Variants in GRIK3 observed in about 807,000 individuals in gnomAD.
The protein encoded by GRIK3 is glutamate ionotropic receptor kainate type subunit 3, also known as glutamate receptor ionotropic, kainate 3.
In GRIK3, 29 loss-of-function variants were observed where a neutral mutation model predicts 102.5. The observed-to-expected ratio is 0.28, with a 90% CI of 0.21 to 0.39. The LOEUF is 0.39. GRIK3 is among the 10% of genes least tolerant of loss of function. The probability of loss-of-function intolerance (pLI) is 1.00; values close to 1 mark genes in which losing one functional copy is unlikely to be tolerated. For missense variants in GRIK3, 908 were observed against 1,252.4 expected, an observed-to-expected ratio of 0.73 and a Z score of 4.15; for synonymous variants, 511 against 504.9, an observed-to-expected ratio of 1.01 and a Z score of -0.16.
rs1382524356 is a variant in GRIK3, at chr1:36,806,759, G to A, written c.2092-433C>T. Among the ~76,000 whole-genome samples, 1 of 152,210 alleles carries A rather than the reference G, an allele frequency of 6.6e-6. No homozygotes were observed. Among genetic ancestry groups the A allele is most frequent in the African/African-American group, 2.4e-5 (1 of 41,448 alleles). Reference sequence around the variant, plus strand: ...TTACAAATAAAAAGATTGAGGCACAGCTAAGTCACTTGCCTAAGTTTACCC... The same window carrying A: ...TTACAAATAAAAAGATTGAGGCACAACTAAGTCACTTGCCTAAGTTTACCC... On this transcript the variant is annotated intron_variant, in intron 13 of 15. Coordinates refer to ENST00000373091, the MANE Select transcript of GRIK3 (RefSeq NM_000831.4). This position sits in a 1 kb window ranked among gnomAD's most constrained non-coding sequence, Gnocchi z 4.0.
intron 14 of GRIK3, among the ~76,000 whole-genome samples, chr1:36,805,860 C>T (rs1238176259): frequency 2.9e-5 from 4 of 138,488 alleles, no homozygotes; most frequent in East Asian, 2.3e-4. Context: ...CTCTTGAACC[C>T]GGGAGGTGGA....
At chr1:36,964,353 C>T (rs1288438619) in intron 1 of GRIK3, among the ~76,000 whole-genome samples, 1 of 152,198 alleles carries the variant, frequency 6.6e-6, no homozygotes, top group East Asian at 1.9e-4. Context: ...CTGCAGCTGG[C>T]AAACTCCCCA....
intron 1 of GRIK3, among the ~76,000 whole-genome samples, chr1:36,986,075 G>A (rs1642301135): frequency 6.6e-6 from 1 of 152,062 alleles, no homozygotes; most frequent in Non-Finnish European, 1.5e-5. Flanking sequence ...CAAGAAGAAG[G>A]GACCCCACCC....
chr1:36,924,245 C>A (rs1286217548), intron 1 of GRIK3, among the ~76,000 whole-genome samples: 1 of 152,148 alleles, frequency 6.6e-6, no homozygotes, highest in Non-Finnish European at 1.5e-5. Context: ...ACCAGGTAAT[C>A]GCATTTCCAC....
chr1:36,813,792 G>T (rs910284449), intron 13 of GRIK3, among the ~76,000 whole-genome samples: 39 of 149,526 alleles, frequency 2.6e-4, no homozygotes, highest in South Asian at 6.3e-4. Context: ...CATCTGAGGT[G>T]GGGGGGCAGT....
At chr1:36,818,050 T>C (rs1295012608) in intron 12 of GRIK3, among the ~76,000 whole-genome samples, 1 of 152,224 alleles carries the variant, frequency 6.6e-6, no homozygotes, top group African/African-American at 2.4e-5. Context: ...GAGATTTAAA[T>C]TGCAAGTGAC....
At chr1:36,858,836 T>C (rs1021105580) in intron 7 of GRIK3, among the ~76,000 whole-genome samples, 1 of 152,204 alleles carries the variant, frequency 6.6e-6, no homozygotes, top group African/African-American at 2.4e-5. Context: ...TCATCTGTTG[T>C]ACTTTCAAGC....
chr1:36,898,502 C>A (rs1186337344), intron 1 of GRIK3, among the ~76,000 whole-genome samples: 1 of 152,032 alleles, frequency 6.6e-6, no homozygotes, highest in Non-Finnish European at 1.5e-5. Flanking sequence ...ATGTAAAAAG[C>A]TCTTCAAAAC....
In GRIK3 at chr1:36,804,978, A is replaced by C. The variant is rs1038111862; in HGVS notation, c.2565+9T>G. 24 of 1,613,926 alleles carry C rather than the reference A, an allele frequency of 1.5e-5. No homozygotes were observed. The highest frequency in any genetic ancestry group is 1.9e-5 in the Non-Finnish European group (23 of 1,179,964). Reference sequence around the variant, plus strand: ...CCATCCTGTGCAGGCTCCAAGCTCTAAGGCTTACCTGCTCTCTCTCTGCTG... The same window carrying C: ...CCATCCTGTGCAGGCTCCAAGCTCTCAGGCTTACCTGCTCTCTCTCTGCTG... On this transcript the variant is annotated intron_variant, in intron 15 of 15. Transcript: ENST00000373091.
At chr1:36,830,200 C>T (rs754332442) in intron 10 of GRIK3, among the ~76,000 whole-genome samples, 2 of 152,190 alleles carry the variant, frequency 1.3e-5, no homozygotes, top group African/African-American at 4.8e-5. Context: ...TCAACATCCT[C>T]GTCATATTCC....
chr1:36,817,273 A>G lies in GRIK3; in HGVS notation c.1878T>C (p.Ser626=). 5 of 1,607,772 alleles carry G rather than the reference A, an allele frequency of 3.1e-6. No individual in the cohort carries two copies. The highest frequency in any genetic ancestry group is 4.3e-6 in the Non-Finnish European group (5 of 1,174,250). ...TGGACAGGGCTTTGGGCATCAGCTC[A>G]GACCCTGGGCGAAGAGAGGAGATAG... is the stretch of plus-strand genomic sequence containing the variant. The part of the protein sequence containing the change: ...FGMGSLMQQG[S]ELMPKALSTR... The change falls in exon 13 of 16, where the codon TCT becomes TCC. Residue 626 remains serine, a synonymous_variant. Transcript: ENST00000373091.
intron 1 of GRIK3, among the ~76,000 whole-genome samples, chr1:36,973,204 C>G (rs921124208): frequency 6.6e-6 from 1 of 152,154 alleles, no homozygotes; most frequent in Non-Finnish European, 1.5e-5. Flanking sequence ...CCCTGCAAAG[C>G]CTGTTCCCTG....
At chr1:36,882,719 T>G (rs955877067) in intron 2 of GRIK3, among the ~76,000 whole-genome samples, 1 of 152,124 alleles carries the variant, frequency 6.6e-6, no homozygotes, top group Non-Finnish European at 1.5e-5. Flanking sequence ...AAGTGAACCT[T>G]CAAGGAAGTA....
intron 10 of GRIK3, among the ~76,000 whole-genome samples, chr1:36,834,623 G>C (rs1055440234): frequency 1.3e-5 from 2 of 152,148 alleles, no homozygotes; most frequent in Non-Finnish European, 2.9e-5. Context: ...CCTGGTTCCT[G>C]AGTCCCCACG....
chr1:36,929,697 AT>A (rs1328068647), intron 1 of GRIK3, among the ~76,000 whole-genome samples: 1 of 152,190 alleles, frequency 6.6e-6, no homozygotes, highest in African/African-American at 2.4e-5. Flanking sequence ...TGCCTTTGGA[AT>A]TTCAGGGATG....
chr1:37,027,311 C>T (rs1642774438), intron 1 of GRIK3, among the ~76,000 whole-genome samples: 1 of 152,172 alleles, frequency 6.6e-6, no homozygotes, highest in African/African-American at 2.4e-5. Flanking sequence ...ACCTGTTGTC[C>T]TCAAACCCAG....
chr1:37,012,483 T>C (rs1037557419), intron 1 of GRIK3, among the ~76,000 whole-genome samples: 6 of 152,188 alleles, frequency 3.9e-5, no homozygotes, highest in African/African-American at 7.2e-5. Context: ...AAGGTCACAA[T>C]TGCAAACCAC....
intron 5 of GRIK3, among the ~76,000 whole-genome samples, chr1:36,860,912 A>G (rs1217626530): frequency 6.6e-6 from 1 of 152,182 alleles, no homozygotes; most frequent in Non-Finnish European, 1.5e-5. Flanking sequence ...GCCCTCCAGT[A>G]TTACTTCATT....
intron 1 of GRIK3, among the ~76,000 whole-genome samples, chr1:37,014,639 C>T (rs890922218): frequency 1.3e-5 from 2 of 152,172 alleles, no homozygotes; most frequent in South Asian, 2.1e-4. Flanking sequence ...AGAAGATAAA[C>T]CACACCCAGT....
Sources: allele counts gnomAD v4.1 joint callset (sites outside exome capture counted in the v4.1 genomes callset), GRCh38; gene constraint gnomAD v4.1.1; non-coding constraint Gnocchi (gnomAD v3.1); transcripts MANE v1.5; gene names NCBI Gene and HGNC (gene_info 2026-07-23, HGNC 2026-07-21).